DLG2: variants seen among roughly 807,000 people sequenced by gnomAD.
The protein encoded by DLG2 is discs large MAGUK scaffold protein 2, also known as disks large homolog 2.
Under a neutral mutation model 132.5 loss-of-function variants are expected in DLG2, and 45 were observed. That is an observed-to-expected ratio of 0.34 (90% confidence interval 0.27 to 0.44). The LOEUF (loss-of-function observed/expected upper bound fraction) is 0.44. Ranked by LOEUF, DLG2 falls within the 20% of genes least tolerant of loss-of-function variation. The pLI, the probability that DLG2 is intolerant of heterozygous loss-of-function variation, is 1.00. For synonymous variants in DLG2, 424 were observed against 419.6 expected, an observed-to-expected ratio of 1.01 and a Z score of -0.13; for missense variants, 1,045 against 1,196.9, an observed-to-expected ratio of 0.87 and a Z score of 1.87.
chr11:83,585,287 T>C (rs149439206), intron 19 of DLG2, among the ~76,000 whole-genome samples: 14 of 152,274 alleles, frequency 9.2e-5, no homozygotes, highest in Non-Finnish European at 1.9e-4. Flanking sequence ...GATGGAGACA[T>C]TGATCTGGGC....
intron 21 of DLG2, among the ~76,000 whole-genome samples, chr11:83,527,455 G>T (rs1051354652): frequency 2.0e-5 from 3 of 152,086 alleles, no homozygotes; most frequent in African/African-American, 7.2e-5. Context: ...GGCATTGTGG[G>T]ATTCCAGCAC....
At chr11:83,915,776 T>C (rs2076826694) in intron 15 of DLG2, among the ~76,000 whole-genome samples, 1 of 152,196 alleles carries the variant, frequency 6.6e-6, no homozygotes. Flanking sequence ...AGTGCATTGT[T>C]CAGTGGCTTT....
intron 6 of DLG2, among the ~76,000 whole-genome samples, chr11:84,710,488 A>G (rs1007903992): frequency 2.6e-5 from 4 of 151,978 alleles, no homozygotes; most frequent in East Asian, 1.9e-4. Context: ...TAATAAGCCA[A>G]CTGACATGTG....
intron 21 of DLG2, among the ~76,000 whole-genome samples, chr11:83,487,398 C>A (rs1034621630): frequency 2.6e-5 from 4 of 152,064 alleles, no homozygotes; most frequent in African/African-American, 9.7e-5. Context: ...AATCTCCATG[C>A]TAACTTCATG....
intron 6 of DLG2, among the ~76,000 whole-genome samples, chr11:84,895,977 T>G (rs2090133128): frequency 6.6e-6 from 1 of 152,146 alleles, no homozygotes; most frequent in Admixed American, 6.6e-5. Flanking sequence ...AATTTATGAA[T>G]GTATTAATAG....
chr11:84,300,803 T>C (rs990527525), intron 7 of DLG2, among the ~76,000 whole-genome samples: 2 of 152,140 alleles, frequency 1.3e-5, no homozygotes, highest in Admixed American at 1.3e-4. Flanking sequence ...TTTACAAAGA[T>C]AAAAACATCA....
At chr11:85,509,490 C>G (rs1418034722) in intron 3 of DLG2, among the ~76,000 whole-genome samples, 2 of 151,984 alleles carry the variant, frequency 1.3e-5, no homozygotes, top group African/African-American at 4.8e-5. Context: ...CGGTGGAGGG[C>G]TCTGGTTTGT....
At chr11:85,332,714 T>C (rs989855010) in intron 3 of DLG2, among the ~76,000 whole-genome samples, 1 of 152,088 alleles carries the variant, frequency 6.6e-6, no homozygotes, top group Non-Finnish European at 1.5e-5. Context: ...GAATAGGGAG[T>C]ACTTTCCCCA....
At chr11:85,057,081 T>C (rs2063538862) in intron 6 of DLG2, among the ~76,000 whole-genome samples, 1 of 151,760 alleles carries the variant, frequency 6.6e-6, no homozygotes, top group Non-Finnish European at 1.5e-5. Context: ...TAGAAGAAAT[T>C]TGTAGCTATT....
chr11:85,023,453 C>T (rs890267028), intron 6 of DLG2, among the ~76,000 whole-genome samples: 1 of 152,052 alleles, frequency 6.6e-6, no homozygotes, highest in Non-Finnish European at 1.5e-5. Context: ...CATTTTGGTG[C>T]ACAATTGCAA....
intron 18 of DLG2, among the ~76,000 whole-genome samples, chr11:83,715,929 TA>T (rs2086587605): frequency 6.6e-6 from 1 of 152,144 alleles, no homozygotes. Context: ...ATCATCTCAT[TA>T]GGCTGAATTA....
intron 4 of DLG2, among the ~76,000 whole-genome samples, chr11:85,193,643 T>A (rs1052976301): frequency 2.6e-5 from 4 of 152,248 alleles, no homozygotes; most frequent in Non-Finnish European, 5.9e-5. Context: ...ATCGATCATC[T>A]TTTTGTGTGT....
intron 6 of DLG2, among the ~76,000 whole-genome samples, chr11:85,011,465 A>G (rs1278676370): frequency 1.3e-5 from 2 of 152,328 alleles, no homozygotes; most frequent in South Asian, 2.1e-4. Context: ...AAAATATTTG[A>G]CTGCTTCTAG....
intron 6 of DLG2, among the ~76,000 whole-genome samples, chr11:84,988,651 T>G (rs936736531): frequency 1.3e-5 from 2 of 152,172 alleles, no homozygotes; most frequent in Non-Finnish European, 2.9e-5. Flanking sequence ...TGCTCGCTCA[T>G]AAGTGGGACC....
At position 84,877,416 on chromosome 11, in the gene DLG2, T is replaced by C. The variant is rs2086532415; in HGVS notation, c.357+234245A>G. On this transcript the variant is annotated intron_variant, in intron 6 of 27. Coordinates refer to ENST00000376104, the MANE Select transcript of DLG2 (RefSeq NM_001142699.3). ...AGGATAATTAGCTCTTCTTGTTGCA[T>C]TGATCCCTTTACCATTATGTAATGC... 2.6e-5 allele frequency among the ~76,000 whole-genome samples: 4 copies of C among 152,086 alleles called. No homozygotes were observed. In the South Asian group the frequency reaches 8.3e-4, roughly 32 times the overall value.
At chr11:83,586,503 G>C (rs894716088) in intron 19 of DLG2, among the ~76,000 whole-genome samples, 5 of 152,112 alleles carry the variant, frequency 3.3e-5, no homozygotes, top group Non-Finnish European at 7.4e-5. Flanking sequence ...AAATAACTGT[G>C]TCTATAAAAT....
intron 7 of DLG2, among the ~76,000 whole-genome samples, chr11:84,401,604 G>C (rs1359904278): frequency 6.6e-6 from 1 of 152,026 alleles, no homozygotes; most frequent in African/African-American, 2.4e-5. Flanking sequence ...AAATATCTAT[G>C]GAGCTCACTT....
intron 6 of DLG2, among the ~76,000 whole-genome samples, chr11:84,770,522 T>G (rs566699931): frequency 6.6e-6 from 1 of 152,132 alleles, no homozygotes; most frequent in East Asian, 1.9e-4. Context: ...TAAGTTCTCC[T>G]CATTAAGCTC....
At chr11:85,219,827 C>T (rs1746234141) in intron 4 of DLG2, among the ~76,000 whole-genome samples, 1 of 151,308 alleles carries the variant, frequency 6.6e-6, no homozygotes, top group African/African-American at 2.4e-5. Flanking sequence ...TGCGATTTCA[C>T]CTAGTACACT....
Sources: allele counts gnomAD v4.1 joint callset (sites outside exome capture counted in the v4.1 genomes callset), GRCh38; gene constraint gnomAD v4.1.1; transcripts MANE v1.5; gene names NCBI Gene and HGNC (gene_info 2026-07-23, HGNC 2026-07-21).